The following SLC17A3 variants were observed in gnomAD, a reference collection of about 807,000 sequenced individuals.
SLC17A3 encodes the protein solute carrier family 17 member 3.
Under a neutral mutation model 60.3 loss-of-function variants are expected in SLC17A3, and 61 were observed. The ratio of observed to expected loss-of-function variants is 1.01; its 90% CI spans 0.82 to 1.25. The LOEUF (loss-of-function observed/expected upper bound fraction) is 1.25. Among genes scored for constraint, SLC17A3 ranks in the 50% most tolerant of loss-of-function variants. SLC17A3 has a pLI of 0.00. For missense variants in SLC17A3, 624 were observed against 594.9 expected, an observed-to-expected ratio of 1.05 and a Z score of -0.51; for synonymous variants, 192 against 208.9, an observed-to-expected ratio of 0.92 and a Z score of 0.70.
At chr6:25,867,178 A>G (rs961981845) in intron 2 of SLC17A3, among the ~76,000 whole-genome samples, 2 of 151,912 alleles carry the variant, frequency 1.3e-5, no homozygotes, top group African/African-American at 2.4e-5. Context: ...GAATCCAACA[A>G]CTTCTCACAA....
At chr6:25,859,486 A>C (rs1443554554) in intron 5 of SLC17A3, among the ~76,000 whole-genome samples, 2 of 152,342 alleles carry the variant, frequency 1.3e-5, no homozygotes, top group Middle Eastern at 3.4e-3. Context: ...ACAACACAGC[A>C]CTGCTGACTC....
chr6:25,866,881 G>A (rs1288269431), intron 2 of SLC17A3, among the ~76,000 whole-genome samples: 89 of 152,016 alleles, frequency 5.9e-4, no homozygotes, highest in African/African-American at 4.8e-5. Flanking sequence ...TGGTGCAATA[G>A]CATGTTTTAA....
intron 1 of SLC17A3, among the ~76,000 whole-genome samples, chr6:25,871,739 A>G (rs964316375): frequency 1.3e-5 from 2 of 152,102 alleles, no homozygotes; most frequent in African/African-American, 4.8e-5. Context: ...GATGAGGGCT[A>G]CGTGGCATCT....
In SLC17A3 at chr6:25,868,413, G is replaced by T. The variant is rs374813157; in HGVS notation, c.-26C>A. ...TGTGTTTCTCCTCTCCTAGTGAATG[G>T]TTTTCACCTATCAGGGAGATATGTA... On this transcript the variant is annotated 5_prime_UTR_variant, in exon 2 of 13. Coordinates refer to ENST00000397060, the MANE Select transcript of SLC17A3 (RefSeq NM_001098486.2). The T allele has an allele frequency of 3.1e-5, 49 of 1,567,276 alleles. No individual in the cohort carries two copies. The African/African-American group carries it at 3.8e-4, about 12-fold the overall frequency.
chr6:25,872,154 A>T (rs1581535294), intron 1 of SLC17A3, among the ~76,000 whole-genome samples: 1 of 152,006 alleles, frequency 6.6e-6, no homozygotes, highest in Non-Finnish European at 1.5e-5. Flanking sequence ...TTATGACTTC[A>T]TAATTATTTC....
Position 25,845,451 on chromosome 6 carries a change from G to GAGT in SLC17A3, c.1425_1427dup (p.Leu476dup), listed in dbSNP as rs759493026. 1 of 1,613,966 alleles carries GAGT rather than the reference G, an allele frequency of 6.2e-7. No individual in the cohort carries two copies. On this transcript the variant is annotated inframe_insertion, in exon 12 of 13. Coordinates refer to ENST00000397060, the MANE Select transcript of SLC17A3 (RefSeq NM_001098486.2). The stretch of plus-strand genomic sequence containing the variant: ...CTGCTTCTCCAAATATGAGGTAGAA[G>GAGT]AGTAGTCCTAACAGGTTAACGGCAA...
In SLC17A3 at chr6:25,851,872, T is replaced by C. The variant is rs535189053; in HGVS notation, c.713-995A>G. The stretch of plus-strand genomic sequence containing the variant: ...TTTATTTTCAAAGGTGTTTGGCTAT[T>C]CTAAAATCTTTGCATTTCCATAAAA... On this transcript the variant is annotated intron_variant, in intron 6 of 12. Coordinates refer to ENST00000397060, the MANE Select transcript of SLC17A3 (RefSeq NM_001098486.2). 6.6e-5 allele frequency among the ~76,000 whole-genome samples: 10 copies of C among 152,278 alleles called. No individual in the cohort carries two copies. The East Asian group carries it at 1.5e-3, about 23-fold the overall frequency.
rs368848189 is a variant in SLC17A3, at chr6:25,850,015, G to C, written c.1123+33C>G. ...GCATTCTTTGGCTGTTGTATGCTAC[G>C]CAAATTATCTGACCCTCAAGCTCTG... On this transcript the variant is annotated intron_variant, in intron 9 of 12. Coordinates refer to ENST00000397060, the MANE Select transcript of SLC17A3 (RefSeq NM_001098486.2). 4 of 1,613,860 alleles carry C rather than the reference G, an allele frequency of 2.5e-6. No individual in the cohort carries two copies. In the Middle Eastern group the frequency reaches 6.6e-4, roughly 266 times the overall value.
intron 8 of SLC17A3, 70 bp from the exon 9 acceptor site, chr6:25,850,247 C>A: frequency 1.3e-6 from 2 of 1,486,196 alleles, no homozygotes; most frequent in Non-Finnish European, 1.9e-6. Flanking sequence ...TGATAAATTA[C>A]TACTAATAAT....
intron 2 of SLC17A3, among the ~76,000 whole-genome samples, chr6:25,865,236 C>A (rs1339580274): frequency 6.6e-6 from 1 of 151,926 alleles, no homozygotes; most frequent in African/African-American, 2.4e-5. Flanking sequence ...GAGAATACTT[C>A]TGTGATTAAT....
At chr6:25,865,156 A>G (rs1234196062) in intron 2 of SLC17A3, among the ~76,000 whole-genome samples, 1 of 151,778 alleles carries the variant, frequency 6.6e-6, no homozygotes, top group Non-Finnish European at 1.5e-5. Context: ...AATGTAGCTC[A>G]TGTGTCTATG....
At position 25,862,227 on chromosome 6, in the gene SLC17A3, G is replaced by T; in HGVS notation, c.303+6C>A. The T allele has an allele frequency of 1.2e-6, 2 of 1,605,762 alleles. No individual in the cohort carries two copies. Among genetic ancestry groups the T allele is most frequent in the Non-Finnish European group, 1.7e-6 (2 of 1,172,702 alleles). ...AAAGCACAAATTTATATCTTATGTTGCTTACCTTTGCAGGAAGACTCTTTG... is the reference window on the plus strand; with the variant it reads ...AAAGCACAAATTTATATCTTATGTTTCTTACCTTTGCAGGAAGACTCTTTG... On this transcript the variant is annotated splice_donor_region_variant and intron_variant, in intron 3 of 12. Coordinates refer to ENST00000397060, the MANE Select transcript of SLC17A3 (RefSeq NM_001098486.2).
intron 2 of SLC17A3, 131 bp from the exon 3 acceptor site, chr6:25,862,575 C>G: frequency 1.2e-6 from 1 of 804,724 alleles, no homozygotes; most frequent in Non-Finnish European, 2.1e-6. Flanking sequence ...CTTCTGTTGG[C>G]TTTATGAAAG....
rs372894902 is a variant in SLC17A3 at position 25,860,321 on chromosome 6, AG to A, written c.625+1302del. Among the ~76,000 whole-genome samples, 45 of 152,220 alleles carry A rather than the reference AG, an allele frequency of 3.0e-4. No individual in the cohort carries two copies. The East Asian group carries it at 6.6e-3, about 22-fold the overall frequency. Reference sequence around the variant, plus strand: ...TAGAAGACAGTACACCGTGTCCTAGAGGCTGGCAATGCTTGAGCCCTTCCAC... The same window carrying A: ...TAGAAGACAGTACACCGTGTCCTAGAGCTGGCAATGCTTGAGCCCTTCCAC... On this transcript the variant is annotated intron_variant, in intron 5 of 12. Coordinates refer to ENST00000397060, the MANE Select transcript of SLC17A3 (RefSeq NM_001098486.2).
At position 25,845,304 on chromosome 6, in the gene SLC17A3, A is replaced by G. The variant is rs1581517026; in HGVS notation, c.*3-6T>C. ...TTCCATCCAAGGTGGGATAACTAAG[A>G]AAGGAAAATGATATAGAATTTAAAA... On this transcript the variant is annotated splice_polypyrimidine_tract_variant and splice_region_variant and intron_variant, in intron 12 of 12. Transcript: ENST00000397060. 5.1e-6 allele frequency: 8 copies of G among 1,566,740 alleles called. No individual in the cohort carries two copies. The East Asian group carries it at 1.8e-4, about 35-fold the overall frequency.
chr6:25,873,616 C>T (rs1765679947), intron 1 of SLC17A3, among the ~76,000 whole-genome samples: 1 of 152,108 alleles, frequency 6.6e-6, no homozygotes, highest in African/African-American at 2.4e-5. Flanking sequence ...TCTTCTATCC[C>T]TAGCCATTTT....
intron 5 of SLC17A3, among the ~76,000 whole-genome samples, chr6:25,859,887 C>T (rs576528250): frequency 6.6e-6 from 1 of 152,052 alleles, no homozygotes; most frequent in Non-Finnish European, 1.5e-5. Flanking sequence ...TACTTTTTAC[C>T]CTGTGTTTTA....
intron 2 of SLC17A3, among the ~76,000 whole-genome samples, chr6:25,867,855 T>C (rs574748317): frequency 1.3e-5 from 2 of 152,056 alleles, no homozygotes; most frequent in African/African-American, 4.8e-5. Context: ...ACTATAGAAC[T>C]ATTCAAAATA....
chr6:25,858,847 A>G (rs1337388158), intron 5 of SLC17A3, among the ~76,000 whole-genome samples: 1 of 152,202 alleles, frequency 6.6e-6, no homozygotes, highest in East Asian at 1.9e-4. Context: ...ACATGCATTC[A>G]CATCTATCAT....
Sources: allele counts gnomAD v4.1 joint callset (sites outside exome capture counted in the v4.1 genomes callset), GRCh38; gene constraint gnomAD v4.1.1; transcripts MANE v1.5; gene names NCBI Gene and HGNC (gene_info 2026-07-23, HGNC 2026-07-21).